The following GALNT5 variants were observed in gnomAD, a reference collection of about 807,000 sequenced individuals.
The protein encoded by GALNT5 is polypeptide N-acetylgalactosaminyltransferase 5.
Under a neutral mutation model 85.4 loss-of-function variants are expected in GALNT5, and 72 were observed. That is an observed-to-expected ratio of 0.84 (90% CI 0.70 to 1.03). The LOEUF is 1.03. Among genes scored for constraint, GALNT5 ranks in the 50% least tolerant of loss-of-function variants. GALNT5 has a pLI of 0.00. For synonymous variants in GALNT5, 404 were observed against 397.0 expected (o/e 1.02, Z -0.21); for missense variants, 1,137 against 1,135.5 (o/e 1.00, Z -0.02).
intron 7 of GALNT5, among the ~76,000 whole-genome samples, chr2:157,304,150 A>T (rs1188090039): frequency 6.6e-6 from 1 of 152,188 alleles, no homozygotes; most frequent in East Asian, 1.9e-4. Context: ...CCCCGAGATT[A>T]TTCTACCTTC....
Position 157,299,639 on chromosome 2 carries a change from G to A in GALNT5, c.2089G>A (p.Gly697Arg). ...CGACCCTGGCCTTGATGTTTGGGGT[G>A]GGGAAAATATGGAGCTCTCATTCAA... Reference protein sequence around the residue: ...TYDPGLDVWGGENMELSFKVW... With the variant: ...TYDPGLDVWGRENMELSFKVW... The change falls in exon 6 of 10, where the codon GGG becomes AGG. Residue 697 changes from glycine to arginine, a missense_variant. Physicochemically the swap from Gly to Arg is moderately radical, Grantham distance 125. Coordinates refer to ENST00000259056, the MANE Select transcript of GALNT5 (RefSeq NM_014568.3). The A allele has an allele frequency of 6.2e-7, 1 of 1,605,066 alleles. No homozygotes were observed. The highest frequency in any genetic ancestry group is 1.3e-5 in the African/African-American group (1 of 74,814).
chr2:157,308,558 C>T lies in GALNT5; in HGVS notation c.2521-9C>T. On this transcript the variant is annotated splice_polypyrimidine_tract_variant and intron_variant, in intron 8 of 9. Transcript: ENST00000259056. ...CCTGAAGTGACCTCTTTATTCATTTCCCCCACAGCTTCAACAATTTAATTA... is the reference window on the plus strand; with the variant it reads ...CCTGAAGTGACCTCTTTATTCATTTTCCCCACAGCTTCAACAATTTAATTA... 6.3e-7 allele frequency: 1 copy of T among 1,596,350 alleles called. No homozygotes were observed. Among genetic ancestry groups the T allele is most frequent in the Non-Finnish European group, 8.5e-7 (1 of 1,173,802 alleles).
rs750046899 is a variant in GALNT5 at position 157,258,400 on chromosome 2, C to A, written c.318C>A (p.Asp106Glu). 16 of 1,610,748 alleles carry A rather than the reference C, an allele frequency of 9.9e-6. No homozygotes were observed. The highest frequency in any genetic ancestry group is 1.3e-5 in the Non-Finnish European group (15 of 1,178,938). Reference protein sequence around the residue: ...ESVLKVEVDLDQTQRERKMQN... With the variant: ...ESVLKVEVDLEQTQRERKMQN... ...TGCTCAAGGTTGAGGTGGACTTGGA[C>A]CAAACCCAGAGGGAAAGAAAAATGC... The change falls in exon 1 of 10, where the codon GAC becomes GAA. Residue 106 changes from aspartate (D) to glutamate (E), a missense_variant. Physicochemically the swap from Asp to Glu is conservative, Grantham distance 45. Transcript: ENST00000259056.
At chr2:157,291,787 C>G (rs1683106541) in intron 3 of GALNT5, among the ~76,000 whole-genome samples, 2 of 152,156 alleles carry the variant, frequency 1.3e-5, no homozygotes, top group Admixed American at 1.3e-4. Flanking sequence ...CCTATATCCC[C>G]TCTCTCCTAC....
chr2:157,300,893 C>T lies in GALNT5; in HGVS notation c.2333C>T (p.Thr778Ile). The T allele has an allele frequency of 6.2e-7, 1 of 1,613,798 alleles. No individual in the cohort carries two copies. The highest frequency in any genetic ancestry group is 8.5e-7 in the Non-Finnish European group (1 of 1,179,762). ...CAAGGGCTAGATGTTGGCAACCTCA[C>T]CCAGCAAAGGGAGCTGCGAAAGAAA... is the stretch of plus-strand genomic sequence containing the variant. ...IDQGLDVGNL[T>I]QQRELRKKLK... Residue 778 changes from threonine (T) to isoleucine (I), a missense_variant, in exon 7 of 10, where the codon ACC becomes ATC. Coordinates refer to ENST00000259056, the MANE Select transcript of GALNT5 (RefSeq NM_014568.3).
chr2:157,295,733 A>G lies in GALNT5; in HGVS notation c.1812A>G (p.Arg604=). The change falls in exon 4 of 10, where the codon AGA becomes AGG. Residue 604 remains arginine, a synonymous_variant. Transcript: ENST00000259056. ...GTTGGTTGGAACCTCTTCTGGAAAG[A>G]GTTTATTTAAGTAGAAAGAAAGTGG... ...NVGWLEPLLE[R]VYLSRKKVAC... 1 of 1,609,396 alleles carries G rather than the reference A, an allele frequency of 6.2e-7. No individual in the cohort carries two copies. The highest frequency in any genetic ancestry group is 2.2e-5 in the East Asian group (1 of 44,830).
At chr2:157,302,368 CA>C (rs1250712610) in intron 7 of GALNT5, 1 of 152,068 alleles carries the variant, frequency 6.6e-6, no homozygotes, top group Non-Finnish European at 1.5e-5. Context: ...TTACAAAATT[CA>C]ACTGATAAAT....
Position 157,308,690 on chromosome 2 carries a change from T to C in GALNT5, c.2644T>C (p.Trp882Arg). ...TGATAACAGAAACAAAGGGCTAAAA[T>C]GGCTGCATAAATCAACATCAGTCTT... ...PCDNRNKGLK[W>R]LHKSTSVFHP... The change falls in exon 9 of 10, where the codon TGG (tryptophan) becomes CGG (arginine). Residue 882 changes from tryptophan (W) to arginine (R), a missense_variant. Physicochemically the swap from Trp to Arg is moderately radical, Grantham distance 101. Coordinates refer to ENST00000259056, the MANE Select transcript of GALNT5 (RefSeq NM_014568.3). 6.2e-7 allele frequency: 1 copy of C among 1,613,552 alleles called. No homozygotes were observed. Among genetic ancestry groups the C allele is most frequent in the Non-Finnish European group, 8.5e-7 (1 of 1,179,798 alleles).
intron 4 of GALNT5, among the ~76,000 whole-genome samples, 181 bp from the exon 5 acceptor site, chr2:157,296,213 A>G (rs1216301313): frequency 6.6e-6 from 1 of 152,248 alleles, no homozygotes; most frequent in Non-Finnish European, 1.5e-5. Flanking sequence ...AAATAAGCCA[A>G]TCAGTTACTA....
rs768094379 is a variant in GALNT5 at position 157,311,220 on chromosome 2, GT to G, written c.2700del (p.Phe900LeufsTer19). 1 of 1,609,742 alleles carries G rather than the reference GT, an allele frequency of 6.2e-7. No individual in the cohort carries two copies. Among genetic ancestry groups the G allele is most frequent in the Non-Finnish European group, 8.5e-7 (1 of 1,177,612 alleles). ...VFHPELVNHIVFENNQQLLCL... is the reference protein window; with the variant it reads ...VFHPELVNHIXFENNQQLLCL... ...TCTTTCTCTCCAGGTGAATCACATT[GT>G]TTTTGAAAACAATCAGCAATTATTA... On this transcript the variant is annotated frameshift_variant, in exon 10 of 10. Coordinates refer to ENST00000259056, the MANE Select transcript of GALNT5 (RefSeq NM_014568.3). LOFTEE classifies it high-confidence loss of function.
At chr2:157,262,952 C>CGAGTAG (rs1409861955) in intron 1 of GALNT5, among the ~76,000 whole-genome samples, 3 of 150,508 alleles carry the variant, frequency 2.0e-5, no homozygotes, top group Non-Finnish European at 4.4e-5. Flanking sequence ...CTCAGCCTCC[C>CGAGTAG]GAGTAGCTGG....
intron 3 of GALNT5, among the ~76,000 whole-genome samples, chr2:157,292,714 T>TA (rs1055031970): frequency 2.7e-5 from 4 of 149,750 alleles, no homozygotes; most frequent in Admixed American, 6.7e-5. Context: ...GTATTATTAT[T>TA]TTTTTTTTTT....
rs962307232 is a variant in GALNT5 at position 157,299,424 on chromosome 2, T to G, written c.1998-124T>G. The G allele has an allele frequency of 3.2e-6, 2 of 632,730 alleles. 1 individual carries two copies. Among genetic ancestry groups the G allele is most frequent in the Admixed American group, 5.6e-5 (2 of 35,558 alleles). 39.2% of individuals were successfully genotyped at this position (632,730 alleles called of 1,614,324 possible). A position where few individuals can be genotyped will look rare whatever the true frequency, so the allele number is the denominator to read the frequency against. Reference sequence around the variant, plus strand: ...CCTATTTGTGACTCCATCCCAGGGCTTCCCTGCATCAGGTAGCTATTCTGA... The same window carrying G: ...CCTATTTGTGACTCCATCCCAGGGCGTCCCTGCATCAGGTAGCTATTCTGA... On this transcript the variant is annotated intron_variant, in intron 5 of 9. Transcript: ENST00000259056.
In GALNT5 at chr2:157,308,554, A is replaced by AT; in HGVS notation, c.2521-10dup. 2 of 1,594,642 alleles carry AT rather than the reference A, an allele frequency of 1.3e-6. No individual in the cohort carries two copies. The highest frequency in any genetic ancestry group is 1.7e-6 in the Non-Finnish European group (2 of 1,173,408). On this transcript the variant is annotated splice_polypyrimidine_tract_variant and intron_variant, in intron 8 of 9. Coordinates refer to ENST00000259056, the MANE Select transcript of GALNT5 (RefSeq NM_014568.3). ...GCTGCCTGAAGTGACCTCTTTATTC[A>AT]TTTCCCCCACAGCTTCAACAATTTA...
chr2:157,258,498 C>G lies in GALNT5; in HGVS notation c.416C>G (p.Pro139Arg), dbSNP rs911358099. The stretch of plus-strand genomic sequence containing the variant: ...CATCTGCAGACCCTCCCTGTGACTC[C>G]TAACAAGCAGAAGACAGACGGGAGA... ...PAHLQTLPVT[P>R]NKQKTDGRGT... Residue 139 changes from proline (P) to arginine (R), a missense_variant, in exon 1 of 10, where the codon CCT becomes CGT. Coordinates refer to ENST00000259056, the MANE Select transcript of GALNT5 (RefSeq NM_014568.3). 6.2e-7 allele frequency: 1 copy of G among 1,609,488 alleles called. No individual in the cohort carries two copies. The highest frequency in any genetic ancestry group is 1.3e-5 in the African/African-American group (1 of 74,088).
At position 157,301,150 on chromosome 2, in the gene GALNT5, A is replaced by T. The variant is rs1248038141; in HGVS notation, c.2439+151A>T. 45 of 640,252 alleles carry T rather than the reference A, an allele frequency of 7.0e-5. No homozygotes were observed. In the South Asian group the frequency reaches 8.5e-4, roughly 12 times the overall value. 39.7% of individuals were successfully genotyped at this position (640,252 alleles called of 1,614,324 possible). A position where few individuals can be genotyped will look rare whatever the true frequency, so the allele number is the denominator to read the frequency against. On this transcript the variant is annotated intron_variant, in intron 7 of 9. Transcript: ENST00000259056. ...CAAAGCATGGCTGAGAATTAAATAT[A>T]GGTAAACTTGAGGAAGGCTACCAAG...
chr2:157,268,324 C>T (rs1421254851), intron 1 of GALNT5, among the ~76,000 whole-genome samples: 1 of 152,140 alleles, frequency 6.6e-6, no homozygotes, highest in Non-Finnish European at 1.5e-5. Context: ...GGGTGGGACG[C>T]ATCACTTTCT....
intron 9 of GALNT5, among the ~76,000 whole-genome samples, chr2:157,310,580 A>G (rs1381780637): frequency 6.6e-6 from 1 of 152,212 alleles, no homozygotes; most frequent in East Asian, 1.9e-4. Context: ...CGTAATTAAG[A>G]AAATTTATAG....
chr2:157,313,163 C>T lies in GALNT5; in HGVS notation c.*1815C>T, dbSNP rs1409829056. ...AGTCAACAATGAACCACATATTTGA[C>T]ATTGGTCCCAAAAGATTATATTAAT... On this transcript the variant is annotated 3_prime_UTR_variant, in exon 10 of 10. Transcript: ENST00000259056. 2 of 152,118 alleles carry T rather than the reference C, an allele frequency of 1.3e-5. No individual in the cohort carries two copies. Among genetic ancestry groups the T allele is most frequent in the African/African-American group, 4.8e-5 (2 of 41,428 alleles). The allele number at this position is 152,118 out of a possible 1,614,324, so 9.4% of individuals were successfully genotyped here.
Sources: gnomAD v4.1 joint callset for allele counts (sites outside exome capture counted in the v4.1 genomes callset) on GRCh38, gnomAD v4.1.1 for gene constraint, MANE v1.5 for transcripts, NCBI Gene and HGNC (gene_info 2026-07-23, HGNC 2026-07-21) for gene names.